The following ITCH variants were observed in gnomAD, a reference collection of about 807,000 sequenced individuals.
ITCH encodes itchy E3 ubiquitin protein ligase.
ITCH carries 28 observed loss-of-function variants against 126.8 expected under a neutral mutation model. That is an observed-to-expected ratio of 0.22 (90% CI 0.16 to 0.30). The LOEUF is 0.30. ITCH is among the 10% of genes least tolerant of loss of function. The pLI is 1.00. For synonymous variants in ITCH, 342 were observed against 340.0 expected, an observed-to-expected ratio of 1.01 and a Z score of -0.06; for missense variants, 631 against 1,032.4, an observed-to-expected ratio of 0.61 and a Z score of 5.33.
At chr20:34,379,465 T>C (rs1206484914) in intron 2 of ITCH, among the ~76,000 whole-genome samples, 3 of 152,150 alleles carry the variant, frequency 2.0e-5, no homozygotes, top group Admixed American at 6.6e-5. Flanking sequence ...CTGAAACTTG[T>C]ACCTATTAAA....
At chr20:34,501,964 A>G (rs1202969865) in intron 23 of ITCH, among the ~76,000 whole-genome samples, 1 of 152,186 alleles carries the variant, frequency 6.6e-6, no homozygotes, top group African/African-American at 2.4e-5. Context: ...TCTTAAAAGC[A>G]TAGTATCAGA....
At chr20:34,466,663 A>G (rs1375191313) in intron 14 of ITCH, among the ~76,000 whole-genome samples, 1 of 152,192 alleles carries the variant, frequency 6.6e-6, no homozygotes, top group Non-Finnish European at 1.5e-5. Flanking sequence ...ATTTAAAAAT[A>G]GTCCAGCAGG....
At chr20:34,501,542 G>A (rs1990243675) in intron 23 of ITCH, among the ~76,000 whole-genome samples, 1 of 152,166 alleles carries the variant, frequency 6.6e-6, no homozygotes, top group Non-Finnish European at 1.5e-5. Flanking sequence ...TTGGGAGGCT[G>A]AGGCGGGCGG....
At chr20:34,457,230 A>C (rs1237884067) in intron 12 of ITCH, among the ~76,000 whole-genome samples, 160 bp from the exon 13 acceptor site, 1 of 152,250 alleles carries the variant, frequency 6.6e-6, no homozygotes, top group Admixed American at 6.5e-5. Flanking sequence ...TGTGCATTTA[A>C]TAGTCAATAA....
intron 13 of ITCH, among the ~76,000 whole-genome samples, chr20:34,458,213 C>G (rs570788998): frequency 6.6e-6 from 1 of 152,092 alleles, no homozygotes; most frequent in East Asian, 1.9e-4. Context: ...ATTAAGAATG[C>G]CTAGGAGTTT....
intron 20 of ITCH, among the ~76,000 whole-genome samples, chr20:34,483,325 A>G (rs1988887930): frequency 6.6e-6 from 1 of 152,162 alleles, no homozygotes; most frequent in African/African-American, 2.4e-5. Flanking sequence ...TTGGGCTGCA[A>G]ATTTTCCAAA....
At chr20:34,416,344 G>C (rs1389417953) in intron 6 of ITCH, among the ~76,000 whole-genome samples, 1 of 152,222 alleles carries the variant, frequency 6.6e-6, no homozygotes, top group Non-Finnish European at 1.5e-5. Flanking sequence ...GTTGTGGTAA[G>C]CTGAGATCAT....
chr20:34,414,589 C>T (rs1373811641), intron 6 of ITCH, among the ~76,000 whole-genome samples: 1 of 151,292 alleles, frequency 6.6e-6, no homozygotes, highest in East Asian at 1.9e-4. Context: ...GTCTCAGTCT[C>T]CTAAGTAGCT....
chr20:34,404,874 C>T (rs555559379), intron 3 of ITCH, among the ~76,000 whole-genome samples: 2 of 152,130 alleles, frequency 1.3e-5, no homozygotes, highest in Non-Finnish European at 2.9e-5. Flanking sequence ...TGGCTCATGC[C>T]TGTAATTCCA....
chr20:34,498,087 T>G (rs1393823896), intron 23 of ITCH, among the ~76,000 whole-genome samples: 1 of 152,206 alleles, frequency 6.6e-6, no homozygotes, highest in Non-Finnish European at 1.5e-5. Flanking sequence ...GTTTTTGTTG[T>G]TTGTAGCTAT....
intron 7 of ITCH, among the ~76,000 whole-genome samples, chr20:34,426,700 C>A (rs1219938405): frequency 6.6e-6 from 1 of 151,950 alleles, no homozygotes; most frequent in Non-Finnish European, 1.5e-5. Flanking sequence ...ATCTGCCTGC[C>A]TTAGCCTCCC....
At chr20:34,405,359 G>T (rs2039023846) in intron 3 of ITCH, among the ~76,000 whole-genome samples, 1 of 152,022 alleles carries the variant, frequency 6.6e-6, no homozygotes, top group Admixed American at 6.6e-5. Context: ...ACAAACATTA[G>T]CTGGGTGTGG....
At chr20:34,478,497 G>A (rs1036755179) in intron 17 of ITCH, among the ~76,000 whole-genome samples, 6 of 152,142 alleles carry the variant, frequency 3.9e-5, no homozygotes, top group East Asian at 1.9e-4. Flanking sequence ...AAAAATTTGC[G>A]TAGAGCTGGC....
At chr20:34,486,847 GCCACCACAC>G (rs1283788023) in intron 20 of ITCH, among the ~76,000 whole-genome samples, 1 of 151,386 alleles carries the variant, frequency 6.6e-6, no homozygotes. Flanking sequence ...ACAGGCATGT[GCCACCACAC>G]CCACATGACG....
chr20:34,477,437 A>G (rs1285799762), intron 16 of ITCH, among the ~76,000 whole-genome samples: 2 of 152,150 alleles, frequency 1.3e-5, no homozygotes, highest in African/African-American at 4.8e-5. Flanking sequence ...GGCTAAGGCA[A>G]GAGAATCGCT....
intron 2 of ITCH, chr20:34,384,361 A>C (rs1338751742): frequency 6.9e-6 from 1 of 143,946 alleles, no homozygotes; most frequent in African/African-American, 2.6e-5. Context: ...GTCTCACTGC[A>C]ACCTCCGCCT....
At chr20:34,432,400 C>A (rs1307414633) in intron 7 of ITCH, among the ~76,000 whole-genome samples, 2 of 152,058 alleles carry the variant, frequency 1.3e-5, no homozygotes, top group Admixed American at 1.3e-4. Flanking sequence ...TTGTAAAGAT[C>A]TCTTAAAAAT....
chr20:34,477,080 C>T (rs1049025749), intron 16 of ITCH, among the ~76,000 whole-genome samples: 5 of 152,122 alleles, frequency 3.3e-5, no homozygotes, highest in East Asian at 1.9e-4. Context: ...TTTCATTTCT[C>T]GGTTAGCCAG....
At chr20:34,491,795 A>G (rs1176697947) in intron 22 of ITCH, among the ~76,000 whole-genome samples, 3 of 152,252 alleles carry the variant, frequency 2.0e-5, no homozygotes, top group Non-Finnish European at 4.4e-5. Flanking sequence ...TGTATGAAAT[A>G]AAAACCACAT....
Sources: allele counts gnomAD v4.1 joint callset (sites outside exome capture counted in the v4.1 genomes callset), GRCh38; gene constraint gnomAD v4.1.1; transcripts MANE v1.5; gene names NCBI Gene and HGNC (gene_info 2026-07-23, HGNC 2026-07-21).